Variants in ST3GAL1 observed in about 807,000 individuals in gnomAD.
ST3GAL1 encodes the protein ST3 beta-galactoside alpha-2,3-sialyltransferase 1, also known as CMP-N-acetylneuraminate-beta-galactosamide-alpha-2,3-sialyltransferase 1.
ST3GAL1 carries 16 observed loss-of-function variants against 34.1 expected under a neutral mutation model. That is an observed-to-expected ratio of 0.47 (90% CI 0.32 to 0.71). The LOEUF (loss-of-function observed/expected upper bound fraction) is 0.71. Ranked by LOEUF, ST3GAL1 falls within the 30% of genes least tolerant of loss-of-function variation. ST3GAL1 has a pLI of 0.04. For synonymous variants in ST3GAL1, 191 were observed against 184.7 expected, an observed-to-expected ratio of 1.03 and a Z score of -0.28; for missense variants, 353 against 447.4, an observed-to-expected ratio of 0.79 and a Z score of 1.90.
At chr8:133,478,113 C>T (rs1403060108) in intron 3 of ST3GAL1, among the ~76,000 whole-genome samples, 1 of 152,198 alleles carries the variant, frequency 6.6e-6, no homozygotes, top group Non-Finnish European at 1.5e-5. Flanking sequence ...TCATGACAAC[C>T]TAGATTTTGT....
intron 2 of ST3GAL1, among the ~76,000 whole-genome samples, chr8:133,507,901 C>T (rs926265778): frequency 1.3e-5 from 2 of 152,160 alleles, no homozygotes; most frequent in African/African-American, 4.8e-5. Context: ...GCTGGGCCAC[C>T]ACCCCTCAGC....
intron 2 of ST3GAL1, among the ~76,000 whole-genome samples, chr8:133,510,465 G>A (rs746793927): frequency 6.6e-6 from 1 of 152,152 alleles, no homozygotes; most frequent in Non-Finnish European, 1.5e-5. Flanking sequence ...TGAAGAGAGC[G>A]GGTCCACTAT....
intron 5 of ST3GAL1, among the ~76,000 whole-genome samples, chr8:133,472,713 T>C (rs893267265): frequency 6.6e-6 from 1 of 152,168 alleles, no homozygotes; most frequent in African/African-American, 2.4e-5. Flanking sequence ...TGAAGCCCCA[T>C]TCCTTCCAAG....
At chr8:133,481,531 T>C (rs1816389927) in intron 3 of ST3GAL1, among the ~76,000 whole-genome samples, 1 of 152,222 alleles carries the variant, frequency 6.6e-6, no homozygotes, top group African/African-American at 2.4e-5. Flanking sequence ...AGTCTTACTC[T>C]GTCGCCCAGG....
intron 3 of ST3GAL1, among the ~76,000 whole-genome samples, chr8:133,481,987 G>T (rs536443685): frequency 2.0e-5 from 3 of 152,104 alleles, no homozygotes; most frequent in African/African-American, 7.2e-5. Context: ...TGAACTCACT[G>T]ACTCCCTCTA....
chr8:133,495,134 G>A (rs1014458333), intron 3 of ST3GAL1, among the ~76,000 whole-genome samples: 3 of 151,992 alleles, frequency 2.0e-5, no homozygotes. Context: ...TAGCCAGGAT[G>A]GTCTCCATCT....
chr8:133,535,475 A>G (rs187987237), intron 2 of ST3GAL1, among the ~76,000 whole-genome samples: 136 of 151,312 alleles, frequency 9.0e-4, no homozygotes, highest in Middle Eastern at 3.4e-3. Context: ...CATTTTTCCA[A>G]CAGTATGTGC....
chr8:133,530,438 C>T (rs28416133), intron 2 of ST3GAL1, among the ~76,000 whole-genome samples: 5,020 of 152,200 alleles, frequency 0.033, 161 homozygotes, highest in East Asian at 0.14. Context: ...TGTGCCACCA[C>T]GCTGAGTTAA....
chr8:133,521,306 G>A (rs1817801704), intron 2 of ST3GAL1, among the ~76,000 whole-genome samples: 1 of 150,546 alleles, frequency 6.6e-6, no homozygotes, highest in Admixed American at 6.6e-5. Flanking sequence ...GCTAATTTTT[G>A]GGGGTTTTTT....
chr8:133,560,566 C>G (rs1187671985), intron 1 of ST3GAL1, among the ~76,000 whole-genome samples: 3 of 152,192 alleles, frequency 2.0e-5, no homozygotes, highest in Non-Finnish European at 4.4e-5. Context: ...TGTTACAGAG[C>G]ATGGGTTCAT....
At chr8:133,552,518 C>T (rs1316776162) in intron 1 of ST3GAL1, among the ~76,000 whole-genome samples, 1 of 152,168 alleles carries the variant, frequency 6.6e-6, no homozygotes, top group Non-Finnish European at 1.5e-5. Flanking sequence ...TTCATGCCAG[C>T]GTTTGAGCAA....
Position 133,469,116 on chromosome 8 carries a change from T to A in ST3GAL1, c.307-3026A>T, listed in dbSNP as rs1251268160. Among the ~76,000 whole-genome samples, 1 of 152,018 alleles carries A rather than the reference T, an allele frequency of 6.6e-6. No individual in the cohort carries two copies. The highest frequency in any genetic ancestry group is 2.4e-5 in the African/African-American group (1 of 41,382). ...CTCGGCCATGGACGTGTGTGGAGAG[T>A]ATGCTGCCTGCTTCACACAGCACCA... On this transcript the variant is annotated intron_variant, in intron 5 of 9. Coordinates refer to ENST00000522652, the MANE Select transcript of ST3GAL1 (RefSeq NM_173344.3). The surrounding 1 kb of genome is among the most constrained non-coding windows in gnomAD (Gnocchi z 4.3).
chr8:133,468,899 C>T (rs1019375686), intron 5 of ST3GAL1, among the ~76,000 whole-genome samples: 7 of 152,344 alleles, frequency 4.6e-5, no homozygotes, highest in Admixed American at 3.9e-4. Context: ...TCCCCTGAAC[C>T]TCCATGGAGG....
At chr8:133,465,006 C>A (rs531605502) in intron 6 of ST3GAL1, 49 bp from the exon 7 acceptor site, 1 of 1,561,482 alleles carries the variant, frequency 6.4e-7, no homozygotes, top group South Asian at 1.2e-5. Context: ...GGCACCCGTT[C>A]TCAGACAGCC....
chr8:133,531,210 A>G (rs953295207), intron 2 of ST3GAL1, among the ~76,000 whole-genome samples: 2 of 151,596 alleles, frequency 1.3e-5, no homozygotes, highest in African/African-American at 4.8e-5. Flanking sequence ...TGGTTTTAGT[A>G]TATGTAATAT....
intron 5 of ST3GAL1, among the ~76,000 whole-genome samples, chr8:133,472,642 G>A (rs1387662906): frequency 6.6e-6 from 1 of 152,118 alleles, no homozygotes; most frequent in Non-Finnish European, 1.5e-5. Flanking sequence ...CGTATTATCT[G>A]TGCATTTTTT....
intron 2 of ST3GAL1, among the ~76,000 whole-genome samples, chr8:133,528,038 G>A (rs1818029443): frequency 6.6e-6 from 1 of 152,026 alleles, no homozygotes; most frequent in Non-Finnish European, 1.5e-5. Context: ...AGCTGGGTGT[G>A]GTGGCGCACA....
In ST3GAL1 at chr8:133,508,702, G is replaced by C. The variant is rs1481447154; in HGVS notation, c.-428-9513C>G. Among the ~76,000 whole-genome samples the C allele has an allele frequency of 6.6e-6, 1 of 151,994 alleles. No individual in the cohort carries two copies. The highest frequency in any genetic ancestry group is 1.5e-5 in the Non-Finnish European group (1 of 68,008). On this transcript the variant is annotated intron_variant, in intron 2 of 9. Transcript: ENST00000522652. This position sits in a 1 kb window ranked among gnomAD's most constrained non-coding sequence, Gnocchi z 4.1. Reference sequence around the variant, plus strand: ...GCTTTTGTGAGGAACCAGAGCCATTGGTCATTTAGTAAAGACTCGTTGGGT... The same window carrying C: ...GCTTTTGTGAGGAACCAGAGCCATTCGTCATTTAGTAAAGACTCGTTGGGT...
At chr8:133,520,849 G>A (rs1437032764) in intron 2 of ST3GAL1, among the ~76,000 whole-genome samples, 1 of 148,802 alleles carries the variant, frequency 6.7e-6, no homozygotes, top group African/African-American at 2.5e-5. Flanking sequence ...CCAGCTCACT[G>A]CAACCTCTGC....
Sources: allele counts gnomAD v4.1 joint callset (sites outside exome capture counted in the v4.1 genomes callset), GRCh38; gene constraint gnomAD v4.1.1; non-coding constraint Gnocchi (gnomAD v3.1); transcripts MANE v1.5; gene names NCBI Gene and HGNC (gene_info 2026-07-23, HGNC 2026-07-21).